Variants in GOSR2 observed in about 807,000 individuals in gnomAD.
The protein encoded by GOSR2 is 27 kDa Golgi SNARE protein.
Under a neutral mutation model 27.9 loss-of-function variants are expected in GOSR2, and 20 were observed. The observed-to-expected ratio is 0.72, with a 90% CI of 0.50 to 1.04. The LOEUF (loss-of-function observed/expected upper bound fraction) is 1.04, where lower values mean the gene tolerates loss of function less well. Ranked by LOEUF, GOSR2 falls within the 50% of genes least tolerant of loss-of-function variation. The probability of loss-of-function intolerance (pLI) is 0.00; values close to 1 mark genes in which losing one functional copy is unlikely to be tolerated. For missense variants in GOSR2, 261 were observed against 270.5 expected, an observed-to-expected ratio of 0.97 and a Z score of 0.25; for synonymous variants, 91 against 98.8, an observed-to-expected ratio of 0.92 and a Z score of 0.47.
chr17:46,954,481 C>T (rs2090580070), intron 6 of GOSR2, among the ~76,000 whole-genome samples: 1 of 152,144 alleles, frequency 6.6e-6, no homozygotes, highest in Non-Finnish European at 1.5e-5. Flanking sequence ...ATGCCTCCAG[C>T]TTTGTTCTTT....
At chr17:46,951,599 A>C (rs1363323334) in intron 6 of GOSR2, among the ~76,000 whole-genome samples, 11 of 152,126 alleles carry the variant, frequency 7.2e-5, no homozygotes, top group African/African-American at 2.7e-4. Flanking sequence ...TTTTGCCCCC[A>C]TGTTGAGGCC....
chr17:46,929,648 T>A (rs1450127736), intron 2 of GOSR2, 64 bp downstream of exon 2: 1 of 832,574 alleles, frequency 1.2e-6, no homozygotes, highest in Non-Finnish European at 2.1e-6. Context: ...TGGGCTGGGC[T>A]TCCTGACTGC....
rs1049094469 is a variant in GOSR2 at position 46,957,096 on chromosome 17, C to T, written c.584-9438C>T. ...GGCCCAGGCGGGTGGATCGTGTGAACCCAGGAGTTCAAAACCATCCTGGGT... is the reference window on the plus strand; with the variant it reads ...GGCCCAGGCGGGTGGATCGTGTGAATCCAGGAGTTCAAAACCATCCTGGGT... On this transcript the variant is annotated intron_variant, in intron 6 of 6. Transcript: ENST00000573224. Among the ~76,000 whole-genome samples, 5 of 152,178 alleles carry T rather than the reference C, an allele frequency of 3.3e-5. No individual in the cohort carries two copies. In the East Asian group the frequency reaches 7.7e-4, roughly 24 times the overall value.
intron 6 of GOSR2, among the ~76,000 whole-genome samples, chr17:46,957,912 G>A (rs1021974315): frequency 2.2e-4 from 34 of 152,196 alleles, no homozygotes; most frequent in Non-Finnish European, 4.1e-4. Context: ...GCTGCAGCAG[G>A]GATCAGTGTG....
At position 46,935,072 on chromosome 17, in the gene GOSR2, A is replaced by G. The variant is rs773995951; in HGVS notation, c.380A>G (p.Asn127Ser). 6.2e-7 allele frequency: 1 copy of G among 1,612,248 alleles called. No individual in the cohort carries two copies. The highest frequency in any genetic ancestry group is 1.1e-5 in the South Asian group (1 of 91,038). The change falls in exon 5 of 6, where the codon AAC becomes AGC. Residue 127 changes from asparagine (N) to serine (S), a missense_variant. By Grantham distance (46) the Asn-to-Ser change is conservative. Transcript: ENST00000640051. ...TIPMDESLQF[N>S]SSLQKVHNGM... The stretch of plus-strand genomic sequence containing the variant: ...CCAATGGACGAATCACTGCAGTTTA[A>G]CTCCTCCCTCCAGAAAGTTCACAAC...
rs1343825118 is a variant in GOSR2, at chr17:46,940,385, A to T, written c.*1625A>T. ...AGTTAAAGCAGTGACTGGAGGGTGGACTGGGGGGTTGCAGCATCTTTAGAC... is the reference window on the plus strand; with the variant it reads ...AGTTAAAGCAGTGACTGGAGGGTGGTCTGGGGGGTTGCAGCATCTTTAGAC... On this transcript the variant is annotated 3_prime_UTR_variant, in exon 6 of 6. Transcript: ENST00000640051. The T allele has an allele frequency of 4.6e-6, 7 of 1,536,086 alleles. No homozygotes were observed. The highest frequency in any genetic ancestry group is 6.1e-6 in the Non-Finnish European group (7 of 1,145,746).
At chr17:46,937,267 C>T (rs552511728) in intron 5 of GOSR2, 1 of 152,122 alleles carries the variant, frequency 6.6e-6, no homozygotes. Context: ...TTGAGACCCT[C>T]TTGTAAATAT....
At chr17:46,923,718 G>A (rs1346460883) in intron 1 of GOSR2, 3 of 487,376 alleles carry the variant, frequency 6.2e-6, no homozygotes, top group Non-Finnish European at 9.8e-6. Flanking sequence ...TGTCCACGTA[G>A]CATTCACTAT....
At chr17:46,935,901 G>T in intron 5 of GOSR2, 2 of 985,902 alleles carry the variant, frequency 2.0e-6, no homozygotes, top group Non-Finnish European at 2.4e-6. Context: ...CTGTTATCAG[G>T]GTGTGGTCCC....
intron 6 of GOSR2, among the ~76,000 whole-genome samples, chr17:46,956,878 G>A (rs2090753942): frequency 1.3e-5 from 2 of 152,150 alleles, no homozygotes; most frequent in Admixed American, 6.5e-5. Context: ...GCGAGCATGT[G>A]GCAAGAAAGG....
At chr17:46,928,772 T>C (rs1280530025) in intron 1 of GOSR2, among the ~76,000 whole-genome samples, 1 of 152,198 alleles carries the variant, frequency 6.6e-6, no homozygotes, top group East Asian at 1.9e-4. Context: ...CAGCCCACCC[T>C]ACTTGTAATC....
Position 46,940,299 on chromosome 17 carries a change from G to A in GOSR2, c.*1539G>A, listed in dbSNP as rs1293290543. 3 of 1,441,008 alleles carry A rather than the reference G, an allele frequency of 2.1e-6. No homozygotes were observed. Among genetic ancestry groups the A allele is most frequent in the South Asian group, 2.9e-5 (2 of 68,000 alleles). 89.3% of individuals were successfully genotyped at this position (1,441,008 alleles called of 1,614,324 possible). On this transcript the variant is annotated 3_prime_UTR_variant, in exon 6 of 6. Transcript: ENST00000640051. ...GTTCCTACCCCTCCGGGCCAAATGG[G>A]CCCCAGGTTTCCAAGGAAGGAGCAA... is the stretch of plus-strand genomic sequence containing the variant.
Position 46,927,659 on chromosome 17 carries a change from G to A in GOSR2, c.30-1861G>A, listed in dbSNP as rs145627070. Among the ~76,000 whole-genome samples the A allele has an allele frequency of 7.2e-5, 11 of 152,266 alleles. No homozygotes were observed. The East Asian group carries it at 1.7e-3, about 24-fold the overall frequency. On this transcript the variant is annotated intron_variant, in intron 1 of 5. Transcript: ENST00000640051. The stretch of plus-strand genomic sequence containing the variant: ...CTTCTTTCAAAAGCTCCCAAATAAC[G>A]TGGGGCTGTGTCTAGGCTGTTTCTT...
Position 46,938,610 on chromosome 17 carries a change from G to T in GOSR2, c.489G>T (p.Lys163Asn), listed in dbSNP as rs1418268515. 1 of 1,613,966 alleles carries T rather than the reference G, an allele frequency of 6.2e-7. No homozygotes were observed. The highest frequency in any genetic ancestry group is 8.5e-7 in the Non-Finnish European group (1 of 1,179,854). The change falls in exon 6 of 6, where the codon AAG (lysine) becomes AAT (asparagine). Residue 163 changes from lysine (K) to asparagine (N), a missense_variant. By Grantham distance (94) the Lys-to-Asn change is moderately conservative. Coordinates refer to ENST00000640051, the MANE Select transcript of GOSR2 (RefSeq NM_004287.5). ...CTCTTCTGCCCCAGGGGACTCAGAA[G>T]AAGATCCTTGACATTGCCAACATGC... ...TQRLTLKGTQKKILDIANMLG... is the reference protein window; with the variant it reads ...TQRLTLKGTQNKILDIANMLG...
chr17:46,966,173 G>A (rs2091312466), intron 6 of GOSR2, among the ~76,000 whole-genome samples: 1 of 152,174 alleles, frequency 6.6e-6, no homozygotes, highest in Admixed American at 6.5e-5. Flanking sequence ...AGAGTAAGAA[G>A]TGCTCACAAA....
At chr17:46,944,895 C>T (rs1011673182), downstream of GOSR2, among the ~76,000 whole-genome samples, 8 of 152,160 alleles carry the variant, frequency 5.3e-5, no homozygotes, top group African/African-American at 1.9e-4. Flanking sequence ...CCACCGCAGC[C>T]GGCCTTAATT....
Position 46,939,199 on chromosome 17 carries a change from C to G in GOSR2, c.*439C>G. 1.9e-6 allele frequency: 2 copies of G among 1,078,732 alleles called. No homozygotes were observed. Among genetic ancestry groups the G allele is most frequent in the Non-Finnish European group, 2.3e-6 (2 of 882,870 alleles). The allele number at this position is 1,078,732 out of a possible 1,614,324, so 66.8% of individuals were successfully genotyped here. On this transcript the variant is annotated 3_prime_UTR_variant, in exon 6 of 6. Coordinates refer to ENST00000640051, the MANE Select transcript of GOSR2 (RefSeq NM_004287.5). The stretch of plus-strand genomic sequence containing the variant: ...AAAGTGGAAAGGAAAGGAAAGAGGC[C>G]TTTTCTCACAGCCATTATATTAAAT...
At chr17:46,923,753 T>A (rs1228615749) in intron 1 of GOSR2, 1 of 426,942 alleles carries the variant, frequency 2.3e-6, no homozygotes, top group Non-Finnish European at 4.0e-6. Flanking sequence ...CGTATCTGGT[T>A]ACAGGTTATC....
intron 1 of GOSR2, among the ~76,000 whole-genome samples, chr17:46,925,927 A>G (rs2086431781): frequency 6.6e-6 from 1 of 152,236 alleles, no homozygotes; most frequent in Non-Finnish European, 1.5e-5. Flanking sequence ...TAGAGGAGCT[A>G]ATAGCCAGGC....
Sources: allele counts gnomAD v4.1 joint callset (sites outside exome capture counted in the v4.1 genomes callset), GRCh38; gene constraint gnomAD v4.1.1; transcripts MANE v1.5; gene names NCBI Gene and HGNC (gene_info 2026-07-23, HGNC 2026-07-21).